Variants in WNT3 observed in about 807,000 individuals in gnomAD.
The protein encoded by WNT3 is proto-oncogene Wnt-3.
In WNT3, 7 loss-of-function variants were observed where a neutral mutation model predicts 34.2. The ratio of observed to expected loss-of-function variants is 0.20; its 90% confidence interval spans 0.12 to 0.38. The LOEUF is 0.38. WNT3 is among the 10% of genes least tolerant of loss of function. The probability of loss-of-function intolerance (pLI) is 1.00; values close to 1 mark genes in which losing one functional copy is unlikely to be tolerated. For synonymous variants in WNT3, 212 were observed against 211.5 expected (o/e 1.00, Z -0.02); for missense variants, 267 against 499.8 (o/e 0.53, Z 4.44).
intron 1 of WNT3, among the ~76,000 whole-genome samples, chr17:46,801,071 TATATCCTTTC>T (rs2084118951): frequency 6.6e-6 from 1 of 152,220 alleles, no homozygotes; most frequent in Non-Finnish European, 1.5e-5. Flanking sequence ...TCACATGCGT[TATATCCTTTC>T]ATCCTCACAA....
chr17:46,786,786 T>C (rs1194232320), intron 1 of WNT3, among the ~76,000 whole-genome samples: 2 of 152,148 alleles, frequency 1.3e-5, no homozygotes, highest in Non-Finnish European at 1.5e-5. Context: ...TGGGTGATTG[T>C]CATACAGCTC....
chr17:46,785,092 T>C (rs2059492950), intron 1 of WNT3, among the ~76,000 whole-genome samples: 1 of 152,194 alleles, frequency 6.6e-6, no homozygotes, highest in Non-Finnish European at 1.5e-5. Flanking sequence ...TTTTTGCTTT[T>C]CTTATGATGC....
At chr17:46,783,534 G>T (rs1220060471) in intron 1 of WNT3, among the ~76,000 whole-genome samples, 1 of 152,230 alleles carries the variant, frequency 6.6e-6, no homozygotes, top group African/African-American at 2.4e-5. Flanking sequence ...CATTTCTTGA[G>T]CACCTACTAG....
intron 1 of WNT3, 69 bp downstream of exon 1, chr17:46,818,448 GC>G: frequency 1.3e-6 from 2 of 1,502,102 alleles, no homozygotes; most frequent in South Asian, 2.4e-5. Context: ...CCCACCCCCA[GC>G]CGGCGCCCCC....
intron 1 of WNT3, among the ~76,000 whole-genome samples, chr17:46,801,864 T>C (rs114114583): frequency 0.011 from 1,628 of 152,252 alleles, 24 homozygotes; most frequent in African/African-American, 0.038. Flanking sequence ...CCCGATGCTG[T>C]GCCAGTTCGA....
intron 1 of WNT3, among the ~76,000 whole-genome samples, chr17:46,789,209 C>A (rs1248820184): frequency 2.0e-5 from 3 of 152,046 alleles, no homozygotes; most frequent in Non-Finnish European, 2.9e-5. Context: ...CCAGAGGCCA[C>A]CCTCCCTGCC....
At chr17:46,777,047 A>C (rs928986715) in intron 1 of WNT3, among the ~76,000 whole-genome samples, 1 of 152,126 alleles carries the variant, frequency 6.6e-6, no homozygotes, top group Non-Finnish European at 1.5e-5. Flanking sequence ...CATTATACAG[A>C]TGAAAAACAG....
chr17:46,795,610 C>T (rs2084042894), intron 1 of WNT3, among the ~76,000 whole-genome samples: 1 of 152,200 alleles, frequency 6.6e-6, no homozygotes, highest in African/African-American at 2.4e-5. Flanking sequence ...AGCCTGCAAA[C>T]ATTTCCCGGC....
At chr17:46,802,575 G>A (rs2146445638) in intron 1 of WNT3, among the ~76,000 whole-genome samples, 1 of 152,210 alleles carries the variant, frequency 6.6e-6, no homozygotes, top group South Asian at 2.1e-4. Flanking sequence ...GCCAAGATTA[G>A]AGGGTTGGAC....
At chr17:46,765,707 G>T (rs956793632) in intron 4 of WNT3, among the ~76,000 whole-genome samples, 1 of 152,248 alleles carries the variant, frequency 6.6e-6, no homozygotes, top group Non-Finnish European at 1.5e-5. Flanking sequence ...GCTCTCGCCT[G>T]GGGAGGTGGC....
At chr17:46,765,582 CAA>C (rs2059305144) in intron 4 of WNT3, among the ~76,000 whole-genome samples, 3 of 152,252 alleles carry the variant, frequency 2.0e-5, no homozygotes, top group South Asian at 4.2e-4. Flanking sequence ...TCAGGGAAGA[CAA>C]GAGAACAGCT....
intron 1 of WNT3, among the ~76,000 whole-genome samples, chr17:46,808,721 CACTT>C (rs1249197120): frequency 6.6e-6 from 1 of 152,104 alleles, no homozygotes; most frequent in Non-Finnish European, 1.5e-5. Flanking sequence ...ATGACTTAGA[CACTT>C]AAGCATCGTG....
chr17:46,802,519 C>T (rs996872458), intron 1 of WNT3, among the ~76,000 whole-genome samples: 12 of 152,170 alleles, frequency 7.9e-5, no homozygotes, highest in South Asian at 2.1e-4. Flanking sequence ...CCACCTGCCT[C>T]GGCCTCCCAA....
intron 1 of WNT3, among the ~76,000 whole-genome samples, chr17:46,802,691 A>C (rs2084141449): frequency 1.3e-5 from 2 of 152,172 alleles, no homozygotes; most frequent in Admixed American, 1.3e-4. Flanking sequence ...TATGGAATGA[A>C]GCCCCCATAC....
chr17:46,789,896 C>G (rs2146420406), intron 1 of WNT3, among the ~76,000 whole-genome samples: 1 of 152,348 alleles, frequency 6.6e-6, no homozygotes, highest in Non-Finnish European at 1.5e-5. Context: ...CGATTCCACT[C>G]TCTACCTTTC....
At chr17:46,804,925 C>G (rs950305514) in intron 1 of WNT3, among the ~76,000 whole-genome samples, 7 of 140,726 alleles carry the variant, frequency 5.0e-5, no homozygotes, top group African/African-American at 1.8e-4. Flanking sequence ...GCCCACCCCC[C>G]CCACCCCCAA....
chr17:46,799,501 G>A (rs1192478649), intron 1 of WNT3, among the ~76,000 whole-genome samples: 1 of 146,824 alleles, frequency 6.8e-6, no homozygotes, highest in East Asian at 2.0e-4. Context: ...AGGCTGGAGT[G>A]CAGTGGTGTC....
At chr17:46,798,728 C>T (rs1294420118) in intron 1 of WNT3, among the ~76,000 whole-genome samples, 1 of 152,116 alleles carries the variant, frequency 6.6e-6, no homozygotes, top group Non-Finnish European at 1.5e-5. Context: ...ATTAAATCTA[C>T]ACAGACCACT....
intron 1 of WNT3, among the ~76,000 whole-genome samples, chr17:46,798,821 G>C (rs190418154): frequency 1.3e-5 from 2 of 152,282 alleles, no homozygotes; most frequent in Admixed American, 1.3e-4. Context: ...AGGCCAAGGC[G>C]GGTGGATCAC....
Sources: allele counts gnomAD v4.1 joint callset (sites outside exome capture counted in the v4.1 genomes callset), GRCh38; gene constraint gnomAD v4.1.1; transcripts MANE v1.5; gene names NCBI Gene and HGNC (gene_info 2026-07-23, HGNC 2026-07-21).